CACNB2: variants seen among roughly 807,000 people sequenced by gnomAD.
CACNB2 encodes the protein voltage-dependent L-type calcium channel subunit beta-2.
Under a neutral mutation model 73.3 loss-of-function variants are expected in CACNB2, and 42 were observed. The observed-to-expected ratio is 0.57, with a 90% CI of 0.45 to 0.74. CACNB2 has a LOEUF of 0.74. CACNB2 is among the 30% of genes least tolerant of loss of function. The pLI is 0.00. For missense variants in CACNB2, 940 were observed against 853.0 expected (o/e 1.10, Z -1.27); for synonymous variants, 348 against 310.3 (o/e 1.12, Z -1.28).
intron 3 of CACNB2, among the ~76,000 whole-genome samples, chr10:18,418,980 G>T (rs759770342): frequency 1.6e-4 from 24 of 152,322 alleles, no homozygotes; most frequent in Non-Finnish European, 3.2e-4. Flanking sequence ...TATTGGATCA[G>T]TTGTAAGCTT....
chr10:18,371,671 A>G (rs1346105772), intron 2 of CACNB2, among the ~76,000 whole-genome samples: 3 of 152,176 alleles, frequency 2.0e-5, no homozygotes, highest in Admixed American at 6.5e-5. Flanking sequence ...ATACATGTGC[A>G]TGTGTCTTTA....
intron 2 of CACNB2, among the ~76,000 whole-genome samples, chr10:18,211,833 T>G (rs2035328820): frequency 6.7e-6 from 1 of 149,968 alleles, no homozygotes; most frequent in African/African-American, 2.5e-5. Flanking sequence ...TTATCACATT[T>G]TCTGCTGACA....
intron 1 of CACNB2, 34 bp from the exon 2 acceptor site, chr10:18,150,849 A>ATTTTT: frequency 2.5e-6 from 2 of 814,872 alleles, no homozygotes; most frequent in Non-Finnish European, 3.2e-6. Flanking sequence ...TAATAATCTT[A>ATTTTT]TTTGTCTTTT....
intron 9 of CACNB2, among the ~76,000 whole-genome samples, chr10:18,523,068 G>A (rs1479774976): frequency 6.6e-6 from 1 of 151,882 alleles, no homozygotes. Context: ...ATATTTTTCA[G>A]TTTGTGACAG....
intron 2 of CACNB2, among the ~76,000 whole-genome samples, chr10:18,288,676 TACACACACAC>T (rs372916856): frequency 6.9e-6 from 1 of 144,310 alleles, no homozygotes; most frequent in African/African-American, 2.6e-5. Context: ...ATGAGATTTA[TACACACACAC>T]ACACACACAC....
rs78902236 is a variant in CACNB2, at chr10:18,514,862, C to T, written c.804+493C>T. 3,122 of 759,216 alleles carry T rather than the reference C, an allele frequency of 4.1e-3. 70 individuals are homozygous for T. The African/African-American group carries it at 0.049, about 12-fold the overall frequency. 47.0% of individuals were successfully genotyped at this position (759,216 alleles called of 1,614,324 possible). A position where few individuals can be genotyped will look rare whatever the true frequency, so the allele number is the denominator to read the frequency against. ...TTTATCCAGAAATTTAACTTATGAT[C>T]AAACATATTAAAGCAGTTATTAAAT... On this transcript the variant is annotated intron_variant, in intron 7 of 13. Transcript: ENST00000324631.
chr10:18,385,200 T>C (rs1032851599), intron 2 of CACNB2, among the ~76,000 whole-genome samples: 7 of 151,598 alleles, frequency 4.6e-5, no homozygotes, highest in African/African-American at 1.7e-4. Context: ...GGAGAATCAT[T>C]TGAACCCGGG....
intron 2 of CACNB2, among the ~76,000 whole-genome samples, chr10:18,218,937 A>C (rs1183270042): frequency 1.3e-5 from 2 of 152,190 alleles, no homozygotes; most frequent in African/African-American, 4.8e-5. Context: ...GCTGAAGCAG[A>C]AGGATCTCTT....
intron 2 of CACNB2, among the ~76,000 whole-genome samples, chr10:18,218,318 C>A (rs556234297): frequency 6.6e-6 from 1 of 152,142 alleles, no homozygotes; most frequent in African/African-American, 2.4e-5. Context: ...GTCAGACAGA[C>A]GAACTGATTT....
intron 2 of CACNB2, among the ~76,000 whole-genome samples, chr10:18,236,445 G>A (rs893439450): frequency 6.6e-6 from 1 of 152,224 alleles, no homozygotes; most frequent in Admixed American, 6.5e-5. Flanking sequence ...AATTCTGCAG[G>A]TGCCTACAGC....
rs549263770 is a variant in CACNB2 at position 18,452,632 on chromosome 10, A to T, written c.334-45723A>T. On this transcript the variant is annotated intron_variant, in intron 3 of 13. Transcript: ENST00000324631. The stretch of plus-strand genomic sequence containing the variant: ...AATCATAGCTCCCCTGTCACCTCAA[A>T]CTCCTGTGCTCAAGCCATCCTCCCA... 5.5e-4 allele frequency among the ~76,000 whole-genome samples: 84 copies of T among 152,132 alleles called. 1 individual carries two copies. Among genetic ancestry groups the T allele is most frequent in the African/African-American group, 1.8e-3 (75 of 41,504 alleles).
At chr10:18,193,008 GA>G (rs1214993032) in intron 2 of CACNB2, among the ~76,000 whole-genome samples, 3 of 152,098 alleles carry the variant, frequency 2.0e-5, no homozygotes, top group Admixed American at 6.6e-5. Flanking sequence ...TATATACGTA[GA>G]AATAGAATTG....
chr10:18,493,173 CTT>C, intron 3 of CACNB2, among the ~76,000 whole-genome samples: 1 of 151,996 alleles, frequency 6.6e-6, no homozygotes, highest in Non-Finnish European at 1.5e-5. Flanking sequence ...AGTACGCTGT[CTT>C]TCTCTTTGTT....
At chr10:18,271,505 C>T (rs2038052514) in intron 2 of CACNB2, among the ~76,000 whole-genome samples, 1 of 152,082 alleles carries the variant, frequency 6.6e-6, no homozygotes, top group South Asian at 2.1e-4. Context: ...AAAACACCAC[C>T]AGATTATTTA....
chr10:18,234,883 C>T (rs937031265), intron 2 of CACNB2, among the ~76,000 whole-genome samples: 9 of 152,174 alleles, frequency 5.9e-5, no homozygotes, highest in Non-Finnish European at 8.8e-5. Flanking sequence ...GTGACTCACG[C>T]CTGTAATCCC....
intron 3 of CACNB2, among the ~76,000 whole-genome samples, chr10:18,422,233 C>G (rs746961951): frequency 1.8e-4 from 27 of 152,240 alleles, no homozygotes; most frequent in Non-Finnish European, 3.4e-4. Flanking sequence ...TAACTTCTAT[C>G]AGATACAATC....
chr10:18,233,843 T>G (rs961187637), intron 2 of CACNB2, among the ~76,000 whole-genome samples: 1 of 152,160 alleles, frequency 6.6e-6, no homozygotes, highest in African/African-American at 2.4e-5. Context: ...ACGAATAGCC[T>G]CTTTTAGGAG....
chr10:18,244,256 A>T (rs750279297), intron 2 of CACNB2, among the ~76,000 whole-genome samples: 4 of 152,238 alleles, frequency 2.6e-5, no homozygotes, highest in Non-Finnish European at 4.4e-5. Flanking sequence ...GGAACCACAG[A>T]TGTCTGGTTT....
chr10:18,496,157 G>T (rs2049797996), intron 3 of CACNB2, among the ~76,000 whole-genome samples: 2 of 138,670 alleles, frequency 1.4e-5, no homozygotes, highest in Admixed American at 7.9e-5. Flanking sequence ...CTGCACTCCA[G>T]CCTGGGCATC....
Sources: gnomAD v4.1 joint callset for allele counts (sites outside exome capture counted in the v4.1 genomes callset) on GRCh38, gnomAD v4.1.1 for gene constraint, MANE v1.5 for transcripts, NCBI Gene and HGNC (gene_info 2026-07-23, HGNC 2026-07-21) for gene names.